The following ADAR variants were observed in gnomAD, a reference collection of about 807,000 sequenced individuals.
ADAR encodes the protein adenosine deaminase RNA specific.
ADAR carries 41 observed loss-of-function variants against 113.2 expected under a neutral mutation model. That is an observed-to-expected ratio of 0.36 (90% CI 0.28 to 0.47). The LOEUF (loss-of-function observed/expected upper bound fraction) is 0.47. ADAR is among the 20% of genes least tolerant of loss of function. The pLI is 1.00. For missense variants in ADAR, 1,242 were observed against 1,540.9 expected (o/e 0.81, Z 3.25); for synonymous variants, 605 against 572.6 (o/e 1.06, Z -0.81).
At chr1:154,616,640 G>GT (rs1388626380) in intron 1 of ADAR, among the ~76,000 whole-genome samples, 2 of 152,162 alleles carry the variant, frequency 1.3e-5, no homozygotes, top group Admixed American at 6.5e-5. Context: ...TCTTCATGTG[G>GT]TTTTTTGGTA....
intron 6 of ADAR, among the ~76,000 whole-genome samples, chr1:154,592,503 G>C (rs1162126574): frequency 6.6e-6 from 1 of 152,252 alleles, no homozygotes; most frequent in Non-Finnish European, 1.5e-5. Flanking sequence ...AGATGAGACA[G>C]TGGCTTGGAT....
At position 154,602,619 on chromosome 1, in the gene ADAR, G is replaced by A; in HGVS notation, c.23C>T (p.Ser8Phe). Residue 8 changes from serine to phenylalanine, a missense_variant, in exon 2 of 15, where the codon TCC becomes TTC. This residue lies in a region of ADAR where 462 missense variants were observed against 483.1 expected (regional missense o/e 0.96). Transcript: ENST00000368474. The part of the protein sequence containing the change: MNPRQGY[S>F]LSGYYTHPFQ... ...TGGATGGGTGTAGTATCCGCTGAGG[G>A]AATACCCCTGCAGAATAAGACAGTG... 2 of 1,613,926 alleles carry A rather than the reference G, an allele frequency of 1.2e-6. No homozygotes were observed. Among genetic ancestry groups the A allele is most frequent in the Non-Finnish European group, 1.7e-6 (2 of 1,180,034 alleles).
intron 1 of ADAR, among the ~76,000 whole-genome samples, chr1:154,606,446 A>T (rs1247665408): frequency 6.6e-6 from 1 of 152,244 alleles, no homozygotes; most frequent in African/African-American, 2.4e-5. Context: ...TATGTACATT[A>T]TAATTTTTTT....
chr1:154,587,878 G>C (rs754203921), intron 11 of ADAR, among the ~76,000 whole-genome samples: 5 of 152,154 alleles, frequency 3.3e-5, no homozygotes, highest in Non-Finnish European at 5.9e-5. Context: ...TCCCTCCTCT[G>C]AGCTCCACAT....
upstream of ADAR, chr1:154,608,328 AC>A: frequency 2.6e-6 from 1 of 386,400 alleles, no homozygotes; most frequent in Non-Finnish European, 4.5e-6. Flanking sequence ...TACGGAAGGT[AC>A]TTTTTTTTTT....
intron 1 of ADAR, among the ~76,000 whole-genome samples, chr1:154,623,071 T>C (rs1036366002): frequency 6.7e-5 from 5 of 74,776 alleles, no homozygotes; most frequent in African/African-American, 2.4e-4. Flanking sequence ...CAAAGGACAC[T>C]CTGTCCTCAA....
In ADAR at chr1:154,601,692, T is replaced by C. The variant is rs763746699; in HGVS notation, c.950A>G (p.Asn317Ser). 6.2e-7 allele frequency: 1 copy of C among 1,614,240 alleles called. No homozygotes were observed. Among genetic ancestry groups the C allele is most frequent in the South Asian group, 1.1e-5 (1 of 91,090 alleles). ...LFNVSDSSAL[N>S]LAKNIGLTKA... ...GGTAAGGCCAATATTTTTAGCCAAA[T>C]TCAGGGCAGAGGAGTCAGACACATT... Residue 317 changes from asparagine to serine, a missense_variant, in exon 2 of 15, where the codon AAT becomes AGT. Asn to Ser is a conservative substitution (Grantham distance 46). This residue lies in a region of ADAR where 462 missense variants were observed against 483.1 expected (regional missense o/e 0.96). Transcript: ENST00000368474. The surrounding 1 kb of genome is among the most constrained non-coding windows in gnomAD (Gnocchi z 4.7).
chr1:154,627,299 T>C (rs2101710043), intron 1 of ADAR, among the ~76,000 whole-genome samples: 1 of 152,306 alleles, frequency 6.6e-6, no homozygotes, highest in South Asian at 2.1e-4. Context: ...GCGGCGGCCG[T>C]GACCCCGCAG....
chr1:154,602,279 T>A lies in ADAR; in HGVS notation c.363A>T (p.Arg121Ser), dbSNP rs1432612237. ...AATGTGAGGAAAGGCAATCAACACC[T>A]CTCTGTGGCAGACTCCTGCCACGTG... is the stretch of plus-strand genomic sequence containing the variant. Reference protein sequence around the residue: ...PSPRGRSLPQRGVDCLSSHFQ... With the variant: ...PSPRGRSLPQSGVDCLSSHFQ... The change falls in exon 2 of 15, where the codon AGA (arginine) becomes AGT (serine). Residue 121 changes from arginine to serine, a missense_variant. By Grantham distance (110) the Arg-to-Ser change is moderately radical. This residue lies in a region of ADAR where 462 missense variants were observed against 483.1 expected (regional missense o/e 0.96). Coordinates refer to ENST00000368474, the MANE Select transcript of ADAR (RefSeq NM_001111.5). 6.2e-7 allele frequency: 1 copy of A among 1,614,046 alleles called. No individual in the cohort carries two copies. The highest frequency in any genetic ancestry group is 1.3e-5 in the African/African-American group (1 of 74,912).
rs780266381 is a variant in ADAR, at chr1:154,601,624, G to C, written c.1018C>G (p.Gln340Glu). The C allele has an allele frequency of 6.2e-7, 1 of 1,613,412 alleles. No individual in the cohort carries two copies. Among genetic ancestry groups the C allele is most frequent in the Non-Finnish European group, 8.5e-7 (1 of 1,180,018 alleles). The change falls in exon 2 of 15, where the codon CAG becomes GAG. Residue 340 changes from glutamine to glutamate, a missense_variant. Physicochemically the swap from Gln to Glu is conservative, Grantham distance 29. Transcript: ENST00000368474. This position sits in a 1 kb window ranked among gnomAD's most constrained non-coding sequence, Gnocchi z 4.7. Reference sequence around the variant, plus strand: ...GTCCCTTGTCTATAGACATCCCCCTGCCTTTCCATGTCAATTAGCACAGCA... The same window carrying C: ...GTCCCTTGTCTATAGACATCCCCCTCCCTTTCCATGTCAATTAGCACAGCA... The part of the protein sequence containing the change: ...INAVLIDMER[Q>E]GDVYRQGTTP...
At position 154,624,107 on chromosome 1, in the gene ADAR, C is replaced by T. The variant is rs185741547; in HGVS notation, c.-871+3748G>A. Among the ~76,000 whole-genome samples, 5 of 152,228 alleles carry T rather than the reference C, an allele frequency of 3.3e-5. No individual in the cohort carries two copies. The East Asian group carries it at 7.7e-4, about 23-fold the overall frequency. On this transcript the variant is annotated intron_variant, in intron 1 of 14. Transcript: ENST00000368471. The stretch of plus-strand genomic sequence containing the variant: ...GGAAGGGCCAAGAAAGCCCTCATGA[C>T]ATCATTTTAGCCCCAGGATCCAGCC...
Position 154,597,011 on chromosome 1 carries a change from TCAAA to T in ADAR, c.2080-20_2080-17del, listed in dbSNP as rs1697545341. ...TACCTTCAGGCTAAAGGAGAATCCA[TCAAA>T]CAGAGGAGCCATAAACACTTCAGGA... On this transcript the variant is annotated splice_polypyrimidine_tract_variant and intron_variant, in intron 5 of 14. Coordinates refer to ENST00000368474, the MANE Select transcript of ADAR (RefSeq NM_001111.5). 5.0e-6 allele frequency: 8 copies of T among 1,613,972 alleles called. No homozygotes were observed. The highest frequency in any genetic ancestry group is 1.6e-4 in the Middle Eastern group (1 of 6,084).
At chr1:154,591,562 T>G (rs1697150372) in intron 6 of ADAR, among the ~76,000 whole-genome samples, 1 of 152,256 alleles carries the variant, frequency 6.6e-6, no homozygotes, top group South Asian at 2.1e-4. Context: ...CCGCTCCGGC[T>G]GGTAATTTCC....
In ADAR at chr1:154,594,884, A is replaced by G. The variant is rs1244579566; in HGVS notation, c.2270+1921T>C. Reference sequence around the variant, plus strand: ...TATAAAACAGAAGATATACTTGTTTAAAAAGACAAAAGGGAAAATGTGCTA... The same window carrying G: ...TATAAAACAGAAGATATACTTGTTTGAAAAGACAAAAGGGAAAATGTGCTA... On this transcript the variant is annotated intron_variant, in intron 6 of 14. Transcript: ENST00000368474. Among the ~76,000 whole-genome samples, 4 of 152,274 alleles carry G rather than the reference A, an allele frequency of 2.6e-5. 1 individual carries two copies. Among genetic ancestry groups the G allele is most frequent in the East Asian group, 1.9e-4 (1 of 5,204 alleles).
At chr1:154,598,827 T>C (rs754453307) in intron 2 of ADAR, among the ~76,000 whole-genome samples, 2 of 152,162 alleles carry the variant, frequency 1.3e-5, no homozygotes, top group African/African-American at 2.4e-5. Context: ...GCACAGATGA[T>C]AGGAAACTAG....
chr1:154,603,608 C>T (rs1698017686), intron 1 of ADAR, among the ~76,000 whole-genome samples: 1 of 152,166 alleles, frequency 6.6e-6, no homozygotes. Context: ...TTTACCAGAA[C>T]ACCAAGCACC....
intron 7 of ADAR, 31 bp downstream of exon 7, chr1:154,590,153 C>CTCA: frequency 8.8e-7 from 1 of 1,141,324 alleles, no homozygotes; most frequent in South Asian, 1.3e-5. Flanking sequence ...CCCCCCGCCC[C>CTCA]AAAAAAGGCA....
At chr1:154,594,549 A>G (rs1697374845) in intron 6 of ADAR, among the ~76,000 whole-genome samples, 1 of 152,206 alleles carries the variant, frequency 6.6e-6, no homozygotes. Flanking sequence ...CCCGCATCCC[A>G]AAGTGTTGGG....
Position 154,585,183 on chromosome 1 carries a change from G to A in ADAR, c.3443+34C>T, listed in dbSNP as rs199583213. The stretch of plus-strand genomic sequence containing the variant: ...TGCACCCTTGCAAGTCAGGGCAGAG[G>A]CTTGGTCCTCACTGCGCTCTCCTGT... On this transcript the variant is annotated intron_variant, in intron 14 of 14. Coordinates refer to ENST00000368474, the MANE Select transcript of ADAR (RefSeq NM_001111.5). 9.2e-4 allele frequency: 1,488 copies of A among 1,614,140 alleles called. 3 individuals are homozygous for A. Among genetic ancestry groups the A allele is most frequent in the Non-Finnish European group, 1.1e-3 (1,355 of 1,180,032 alleles).
Sources: allele counts gnomAD v4.1 joint callset (sites outside exome capture counted in the v4.1 genomes callset), GRCh38; gene constraint gnomAD v4.1.1; regional missense constraint gnomAD v4.1.1; non-coding constraint Gnocchi (gnomAD v3.1); transcripts MANE v1.5; gene names NCBI Gene and HGNC (gene_info 2026-07-23, HGNC 2026-07-21).